Variants in XYLT1 observed in about 807,000 individuals in gnomAD.
XYLT1 encodes the protein beta-D-xylosyltransferase 1.
A neutral mutation model predicts 91.3 loss-of-function variants in XYLT1; 36 were observed. The observed-to-expected ratio is 0.39, with a 90% CI of 0.30 to 0.52. The LOEUF is 0.52. Among genes scored for constraint, XYLT1 ranks in the 20% least tolerant of loss-of-function variants. The pLI is 0.68. For missense variants in XYLT1, 1,242 were observed against 1,284.5 expected, an observed-to-expected ratio of 0.97 and a Z score of 0.51; for synonymous variants, 588 against 532.0, an observed-to-expected ratio of 1.11 and a Z score of -1.45.
At chr16:17,180,935 T>C (rs996060287) in intron 5 of XYLT1, among the ~76,000 whole-genome samples, 1 of 152,160 alleles carries the variant, frequency 6.6e-6, no homozygotes, top group Admixed American at 6.6e-5. Flanking sequence ...TTTCTGATAT[T>C]GCCTGGGGCC....
intron 1 of XYLT1, among the ~76,000 whole-genome samples, chr16:17,449,760 G>A (rs954329535): frequency 2.0e-5 from 3 of 152,132 alleles, no homozygotes; most frequent in African/African-American, 2.4e-5. Context: ...GGACCTTAAG[G>A]TGCCATCAGT....
At chr16:17,171,220 T>C (rs2031813025) in intron 5 of XYLT1, among the ~76,000 whole-genome samples, 2 of 152,220 alleles carry the variant, frequency 1.3e-5, no homozygotes, top group South Asian at 4.1e-4. Context: ...GAGTCTGCAC[T>C]GTGCCAGGAG....
At chr16:17,450,755 C>T (rs982875535) in intron 1 of XYLT1, among the ~76,000 whole-genome samples, 10 of 152,212 alleles carry the variant, frequency 6.6e-5, no homozygotes, top group Non-Finnish European at 1.3e-4. Context: ...CATTCCAGCA[C>T]AGCACAGCCC....
intron 3 of XYLT1, among the ~76,000 whole-genome samples, chr16:17,242,175 G>A (rs889818315): frequency 3.9e-4 from 59 of 152,294 alleles, no homozygotes; most frequent in African/African-American, 7.2e-4. Context: ...TTTGGGTGGG[G>A]ACACAGCCAA....
At chr16:17,375,645 G>A (rs1007119724) in intron 1 of XYLT1, among the ~76,000 whole-genome samples, 4 of 152,204 alleles carry the variant, frequency 2.6e-5, no homozygotes, top group Admixed American at 2.0e-4. Context: ...ATTTGATAAG[G>A]CTGGTCAAGT....
chr16:17,163,768 C>T (rs2031606109), intron 5 of XYLT1, among the ~76,000 whole-genome samples: 1 of 152,066 alleles, frequency 6.6e-6, no homozygotes, highest in African/African-American at 2.4e-5. Context: ...ACATGAAAGA[C>T]TATGGGGAGG....
intron 6 of XYLT1, among the ~76,000 whole-genome samples, chr16:17,156,940 G>T (rs1038525596): frequency 1.0e-4 from 13 of 129,994 alleles, no homozygotes; most frequent in African/African-American, 3.0e-4. Context: ...GGATTCTAGG[G>T]TTACTTTTTT....
chr16:17,392,929 C>T (rs959722474), intron 1 of XYLT1, among the ~76,000 whole-genome samples: 1 of 152,160 alleles, frequency 6.6e-6, no homozygotes, highest in Non-Finnish European at 1.5e-5. Flanking sequence ...TGTTCCCCTA[C>T]CCCCTCCTTT....
chr16:17,387,308 G>T (rs1354183876), intron 1 of XYLT1, among the ~76,000 whole-genome samples: 1 of 152,168 alleles, frequency 6.6e-6, no homozygotes, highest in Non-Finnish European at 1.5e-5. Context: ...CTGTTGCAGG[G>T]TCTCTGCCAG....
At position 17,257,437 on chromosome 16, in the gene XYLT1, C is replaced by T. The variant is rs137907661; in HGVS notation, c.913+1551G>A. Among the ~76,000 whole-genome samples the T allele has an allele frequency of 1.9e-4, 29 of 152,270 alleles. No individual in the cohort carries two copies. In the East Asian group the frequency reaches 1.9e-3, roughly 10 times the overall value. On this transcript the variant is annotated intron_variant, in intron 3 of 11. Transcript: ENST00000261381. ...GGGAAGGTGCCTTTTGGATGCTATC[C>T]GCCCTCTCCACAGAGAAAACCACTG...
At chr16:17,353,290 C>A (rs115986949) in intron 2 of XYLT1, among the ~76,000 whole-genome samples, 30 of 152,206 alleles carry the variant, frequency 2.0e-4, no homozygotes, top group African/African-American at 6.5e-4. Flanking sequence ...TATCTCCCAA[C>A]GTATCTCAGT....
At chr16:17,305,013 T>C (rs1288165484) in intron 2 of XYLT1, among the ~76,000 whole-genome samples, 1 of 152,188 alleles carries the variant, frequency 6.6e-6, no homozygotes, top group Non-Finnish European at 1.5e-5. Flanking sequence ...TGCATGTTTA[T>C]AGCACCACTC....
intron 5 of XYLT1, among the ~76,000 whole-genome samples, chr16:17,170,538 A>T (rs1236519532): frequency 6.6e-6 from 1 of 152,026 alleles, no homozygotes; most frequent in Non-Finnish European, 1.5e-5. Context: ...AATGCCAGAA[A>T]CATCCTTCCT....
At chr16:17,113,817 G>A (rs903917703) in intron 11 of XYLT1, among the ~76,000 whole-genome samples, 7 of 152,236 alleles carry the variant, frequency 4.6e-5, no homozygotes, top group Non-Finnish European at 1.0e-4. Context: ...CAAAGGACAG[G>A]GTTCAAGGAG....
intron 3 of XYLT1, among the ~76,000 whole-genome samples, chr16:17,239,874 C>T (rs1026637326): frequency 6.6e-6 from 1 of 152,168 alleles, no homozygotes; most frequent in African/African-American, 2.4e-5. Context: ...CTCATCCCAT[C>T]CATGTTTTCA....
intron 1 of XYLT1, among the ~76,000 whole-genome samples, chr16:17,427,750 T>A (rs2036337531): frequency 6.6e-6 from 1 of 152,244 alleles, no homozygotes. Context: ...ATTCGTGTTT[T>A]AAAAGGAACC....
chr16:17,371,710 G>C (rs1030151478), intron 1 of XYLT1, among the ~76,000 whole-genome samples: 1 of 152,228 alleles, frequency 6.6e-6, no homozygotes, highest in African/African-American at 2.4e-5. Flanking sequence ...GGCAGGTGCA[G>C]CATATTTTAC....
At chr16:17,433,705 G>A (rs78688773) in intron 1 of XYLT1, among the ~76,000 whole-genome samples, 1,680 of 152,332 alleles carry the variant, frequency 0.011, 9 homozygotes, top group Non-Finnish European at 0.017. Flanking sequence ...CTGAAGAATG[G>A]AATTTGGGCT....
intron 2 of XYLT1, chr16:17,338,449 A>G: frequency 6.6e-6 from 3 of 456,502 alleles, no homozygotes; most frequent in Non-Finnish European, 1.3e-5. Context: ...AGAAGTTGAA[A>G]CCTACGCTTT....
Sources: gnomAD v4.1 joint callset for allele counts (sites outside exome capture counted in the v4.1 genomes callset) on GRCh38, gnomAD v4.1.1 for gene constraint, MANE v1.5 for transcripts, NCBI Gene and HGNC (gene_info 2026-07-23, HGNC 2026-07-21) for gene names.